The following RORA variants were observed in gnomAD, a reference collection of about 807,000 sequenced individuals.
RORA encodes the protein nuclear receptor ROR-alpha.
A neutral mutation model predicts 69.5 loss-of-function variants in RORA; 7 were observed. That is an observed-to-expected ratio of 0.10 (90% CI 0.06 to 0.19). The LOEUF is 0.19. Among genes scored for constraint, RORA ranks in the 10% least tolerant of loss-of-function variants. The probability of loss-of-function intolerance (pLI) is 1.00; values close to 1 mark genes in which losing one functional copy is unlikely to be tolerated. For synonymous variants in RORA, 261 were observed against 240.8 expected, an observed-to-expected ratio of 1.08 and a Z score of -0.78; for missense variants, 457 against 663.0, an observed-to-expected ratio of 0.69 and a Z score of 3.41.
At chr15:60,988,608 C>T (rs7174217) in intron 1 of RORA, among the ~76,000 whole-genome samples, 54,489 of 152,060 alleles carry the variant, frequency 0.36, 10,665 homozygotes, top group African/African-American at 0.52. Flanking sequence ...ATTAGAATTA[C>T]GACTCGCTGC....
chr15:60,902,715 C>A (rs1175222882), intron 1 of RORA, among the ~76,000 whole-genome samples: 7 of 152,224 alleles, frequency 4.6e-5, no homozygotes. Context: ...TTGGTTTCTA[C>A]TCTCTGCTGA....
chr15:61,046,372 T>C (rs1035577708), intron 1 of RORA, among the ~76,000 whole-genome samples: 1 of 152,140 alleles, frequency 6.6e-6, no homozygotes, highest in Non-Finnish European at 1.5e-5. Context: ...TCCTAGGGAA[T>C]AGTCTCCGCC....
chr15:60,950,831 T>A (rs1190300480), intron 1 of RORA, among the ~76,000 whole-genome samples: 5 of 126,842 alleles, frequency 3.9e-5, no homozygotes, highest in African/African-American at 1.2e-4. Flanking sequence ...CTCCCACACA[T>A]TAATAATGGG....
chr15:60,640,224 C>T (rs1247951946), intron 2 of RORA, among the ~76,000 whole-genome samples: 4 of 152,162 alleles, frequency 2.6e-5, no homozygotes, highest in Non-Finnish European at 4.4e-5. Context: ...TTCCCCTTCT[C>T]CCCTTTTAGG....
At chr15:60,967,231 C>T (rs541338246) in intron 1 of RORA, among the ~76,000 whole-genome samples, 11 of 152,176 alleles carry the variant, frequency 7.2e-5, no homozygotes, top group South Asian at 2.1e-4. Flanking sequence ...TGTTATACAT[C>T]GGCATATATA....
chr15:61,168,236 GTA>G lies in RORA; in HGVS notation c.166+60815_166+60816del, dbSNP rs149363623. Among the ~76,000 whole-genome samples, 8 of 150,754 alleles carry G rather than the reference GTA, an allele frequency of 5.3e-5. No individual in the cohort carries two copies. The South Asian group carries it at 8.4e-4, about 16-fold the overall frequency. ...TGCGTGCGTGTGTGTGTGTGTGTGT[GTA>G]TGTATTTTGAGACGGAGTCTTGCTC... On this transcript the variant is annotated intron_variant, in intron 1 of 10. Transcript: ENST00000335670.
At chr15:60,874,523 A>G (rs2073592926) in intron 1 of RORA, among the ~76,000 whole-genome samples, 1 of 152,218 alleles carries the variant, frequency 6.6e-6, no homozygotes, top group East Asian at 1.9e-4. Context: ...AGCCACAGAC[A>G]ATACATGAAG....
At chr15:61,154,870 G>A (rs1201737370) in intron 1 of RORA, among the ~76,000 whole-genome samples, 1 of 152,098 alleles carries the variant, frequency 6.6e-6, no homozygotes, top group East Asian at 1.9e-4. Flanking sequence ...CTGAGAAATG[G>A]GAAAAACAAT....
intron 1 of RORA, among the ~76,000 whole-genome samples, chr15:61,058,335 T>C (rs958552385): frequency 1.3e-5 from 2 of 152,046 alleles, no homozygotes; most frequent in Non-Finnish European, 2.9e-5. Flanking sequence ...CCCTTAACCA[T>C]TGGATGAGTG....
intron 1 of RORA, among the ~76,000 whole-genome samples, chr15:61,178,385 C>G (rs2079650674): frequency 6.6e-6 from 1 of 152,052 alleles, no homozygotes; most frequent in Non-Finnish European, 1.5e-5. Flanking sequence ...TCCTTTTTCC[C>G]CAGTTAATTT....
intron 2 of RORA, among the ~76,000 whole-genome samples, chr15:60,559,841 G>A (rs1358122191): frequency 1.3e-5 from 2 of 152,154 alleles, no homozygotes; most frequent in East Asian, 3.8e-4. Context: ...TTACCTAAGC[G>A]AGGCCAGTTT....
chr15:60,747,368 G>A (rs1223059607), intron 1 of RORA, among the ~76,000 whole-genome samples: 1 of 152,198 alleles, frequency 6.6e-6, no homozygotes, highest in Admixed American at 6.5e-5. Flanking sequence ...GGAGTGTACA[G>A]ATGAACTTGA....
At chr15:60,719,127 G>A (rs1391759382) in intron 1 of RORA, among the ~76,000 whole-genome samples, 3 of 28,516 alleles carry the variant, frequency 1.1e-4, no homozygotes, top group African/African-American at 1.8e-4. Context: ...CAAATCAACT[G>A]TAAATTTGAA....
chr15:61,079,811 TG>T (rs2078511954), intron 1 of RORA, among the ~76,000 whole-genome samples: 1 of 152,186 alleles, frequency 6.6e-6, no homozygotes, highest in South Asian at 2.1e-4. Flanking sequence ...TGGGCACTCT[TG>T]GGTGGTGGTG....
chr15:60,755,379 T>A (rs2071785959), intron 1 of RORA, among the ~76,000 whole-genome samples: 1 of 152,074 alleles, frequency 6.6e-6, no homozygotes, highest in African/African-American at 2.4e-5. Context: ...TAATCCAGTC[T>A]ATCATTGTCG....
intron 1 of RORA, among the ~76,000 whole-genome samples, chr15:61,011,446 A>G (rs1309574252): frequency 6.6e-6 from 1 of 152,210 alleles, no homozygotes; most frequent in Admixed American, 6.5e-5. Flanking sequence ...TTGATTTTAA[A>G]TGTATAAATC....
chr15:60,950,949 T>G (rs1295509662), intron 1 of RORA, among the ~76,000 whole-genome samples: 1 of 150,298 alleles, frequency 6.7e-6, no homozygotes, highest in Admixed American at 6.6e-5. Flanking sequence ...GTAATAGACA[T>G]CTACAGAACT....
At chr15:60,627,702 G>C (rs2069629115) in intron 2 of RORA, among the ~76,000 whole-genome samples, 1 of 151,976 alleles carries the variant, frequency 6.6e-6, no homozygotes, top group East Asian at 1.9e-4. Context: ...CCCTTTCCTA[G>C]GCTCAAATTA....
chr15:60,888,155 G>A (rs2073772295), intron 1 of RORA, among the ~76,000 whole-genome samples: 1 of 152,170 alleles, frequency 6.6e-6, no homozygotes, highest in African/African-American at 2.4e-5. Context: ...CTCATCGGCT[G>A]GATGCACAAC....
Sources: allele counts gnomAD v4.1 joint callset (sites outside exome capture counted in the v4.1 genomes callset), GRCh38; gene constraint gnomAD v4.1.1; transcripts MANE v1.5; gene names NCBI Gene and HGNC (gene_info 2026-07-23, HGNC 2026-07-21).